The following CKMT1B variants were observed in gnomAD, a reference collection of about 807,000 sequenced individuals.
CKMT1B encodes the protein creatine kinase, mitochondrial 1B, also known as creatine kinase U-type, mitochondrial.
Under a neutral mutation model 21.8 loss-of-function variants are expected in CKMT1B, and 13 were observed. That is an observed-to-expected ratio of 0.60 (90% confidence interval 0.39 to 0.95). The LOEUF (loss-of-function observed/expected upper bound fraction) is 0.95, where lower values mean the gene tolerates loss of function less well. CKMT1B is among the 40% of genes least tolerant of loss of function. CKMT1B has a pLI of 0.00. For missense variants in CKMT1B, 157 were observed against 227.5 expected (o/e 0.69, Z 1.99); for synonymous variants, 50 against 80.3 (o/e 0.62, Z 2.02).
At chr15:43,596,643 A>G in intron 6 of CKMT1B, 112 bp downstream of exon 6, 2 of 1,544,800 alleles carry the variant, frequency 1.3e-6, no homozygotes, top group Non-Finnish European at 1.8e-6. Context: ...CTTATAGTAA[A>G]AAGGACTATC....
At chr15:43,596,622 C>T in intron 6 of CKMT1B, 91 bp downstream of exon 6, 1 of 1,585,778 alleles carries the variant, frequency 6.3e-7, no homozygotes, top group Non-Finnish European at 8.6e-7. Context: ...ACCAACCAAC[C>T]CAGGACATGT....
chr15:43,598,089 T>C, intron 6 of CKMT1B, 104 bp from the exon 7 acceptor site: 4 of 1,498,948 alleles, frequency 2.7e-6, no homozygotes, highest in Non-Finnish European at 8.9e-7. Flanking sequence ...GCCAAGTTTC[T>C]GTTCTAGACA....
chr15:43,596,698 A>C, intron 6 of CKMT1B, 167 bp downstream of exon 6: 3 of 1,048,014 alleles, frequency 2.9e-6, no homozygotes, highest in Middle Eastern at 2.2e-4. Context: ...CTGGGACCAT[A>C]CTGGGAAAAC....
intron 6 of CKMT1B, 108 bp downstream of exon 6, chr15:43,596,639 G>C (rs1034360770): frequency 3.5e-5 from 54 of 1,556,654 alleles, no homozygotes; most frequent in Non-Finnish European, 4.4e-5. Flanking sequence ...ATGTCTTATA[G>C]TAAAAAGGAC....
rs558385296 is a variant in CKMT1B at position 43,597,511 on chromosome 15, C to T, written c.877-682C>T. ...CCATGTTCAGCATGTAAGATATCCC[C>T]TATGGCATGGTTCCTTCTGAACTAT... On this transcript the variant is annotated intron_variant, in intron 6 of 8. Transcript: ENST00000441322. 3.8e-4 allele frequency: 474 copies of T among 1,245,824 alleles called. 8 individuals are homozygous for T. Among genetic ancestry groups the T allele is most frequent in the Non-Finnish European group, 4.8e-4 (464 of 957,674 alleles). 77.2% of individuals were successfully genotyped at this position (1,245,824 alleles called of 1,614,324 possible). A position where few individuals can be genotyped will look rare whatever the true frequency, so the allele number is the denominator to read the frequency against.
intron 7 of CKMT1B, 112 bp from the exon 8 acceptor site, chr15:43,598,715 A>G (rs541120135): frequency 1.2e-5 from 17 of 1,423,844 alleles, no homozygotes; most frequent in Admixed American, 2.4e-5. Flanking sequence ...AAAAAAGAAA[A>G]AAGGAAAAAA....
chr15:43,598,710 A>T (rs981572667), intron 7 of CKMT1B, 117 bp from the exon 8 acceptor site: 13 of 1,409,176 alleles, frequency 9.2e-6, no homozygotes, highest in Admixed American at 2.4e-5. Flanking sequence ...AAAAGAAAAA[A>T]GAAAAAAGGA....
intron 8 of CKMT1B, 53 bp from the exon 9 acceptor site, chr15:43,599,104 G>T: frequency 6.2e-7 from 1 of 1,608,220 alleles, no homozygotes. Flanking sequence ...GTCAGTCAGT[G>T]ATAAAGAAAA....
At position 43,598,315 on chromosome 15, in the gene CKMT1B, C is replaced by T. The variant is rs2085611816; in HGVS notation, c.999C>T (p.Pro333=). 1 of 1,605,692 alleles carries T rather than the reference C, an allele frequency of 6.2e-7. No homozygotes were observed. Among genetic ancestry groups the T allele is most frequent in the South Asian group, 1.1e-5 (1 of 90,620 alleles). Residue 333 remains proline, a synonymous_variant, in exon 7 of 9, where the codon CCC becomes CCT. Transcript: ENST00000441322. ...GLRAGVHIKL[P]LLSKDSRFPK... is the part of the protein sequence containing the mutation. ...GGGCAGGAGTGCACATCAAACTGCC[C>T]CTGCTAAGCAAAGTAAAGGAGTTGT...
In CKMT1B at chr15:43,599,283, G is replaced by T. The variant is rs367879527; in HGVS notation, c.*10G>T. 2.5e-6 allele frequency: 4 copies of T among 1,613,508 alleles called. 1 individual carries two copies. The highest frequency in any genetic ancestry group is 1.3e-5 in the African/African-American group (1 of 74,840). On this transcript the variant is annotated 3_prime_UTR_variant, in exon 9 of 9. Transcript: ENST00000441322. ...CCACACCAAGCATTAACTCCCCATC[G>T]CCAGCTGATGACTCAAGATTCCCAG...
At chr15:43,597,155 A>G (rs1478329781) in intron 6 of CKMT1B, among the ~76,000 whole-genome samples, 1 of 139,252 alleles carries the variant, frequency 7.2e-6, no homozygotes, top group Non-Finnish European at 1.5e-5. Context: ...AAATCCCCAT[A>G]AACTCAATTC....
rs2085589473 is a variant in CKMT1B at position 43,597,524 on chromosome 15, C to G, written c.877-669C>G. Reference sequence around the variant, plus strand: ...GTAAGATATCCCCTATGGCATGGTTCCTTCTGAACTATAAAGAGGATCCCT... The same window carrying G: ...GTAAGATATCCCCTATGGCATGGTTGCTTCTGAACTATAAAGAGGATCCCT... On this transcript the variant is annotated intron_variant, in intron 6 of 8. Transcript: ENST00000441322. The G allele has an allele frequency of 4.1e-6, 5 of 1,208,080 alleles. 1 individual carries two copies. The highest frequency in any genetic ancestry group is 5.3e-6 in the Non-Finnish European group (5 of 936,370). The allele number at this position is 1,208,080 out of a possible 1,614,324, so 74.8% of individuals were successfully genotyped here.
intron 7 of CKMT1B, 59 bp downstream of exon 7, chr15:43,598,386 G>A: frequency 6.3e-7 from 1 of 1,597,440 alleles, no homozygotes; most frequent in Non-Finnish European, 8.5e-7. Context: ...TTGTGGATGG[G>A]GAGGGAGTGG....
At chr15:43,597,865 C>G (rs1228585072) in intron 6 of CKMT1B, 1 of 1,246,130 alleles carries the variant, frequency 8.0e-7, no homozygotes, top group East Asian at 4.4e-5. Context: ...ATGCAGACCT[C>G]ATTGAATAAT....
At chr15:43,597,361 T>C (rs2085586389) in intron 6 of CKMT1B, 2 of 1,119,720 alleles carry the variant, frequency 1.8e-6, no homozygotes, top group Non-Finnish European at 2.4e-6. Context: ...GATAATGAGA[T>C]TTTCTACATT....
At position 43,598,253 on chromosome 15, in the gene CKMT1B, A is replaced by T. The variant is rs753566260; in HGVS notation, c.937A>T (p.Ile313Phe). ...CATGTGGAATGAGCGTTTGGGATAC[A>T]TCTTGACCTGTCCATCTAACCTGGG... ...EFMWNERLGY[I>F]LTCPSNLGTG... is the part of the protein sequence containing the mutation. Residue 313 changes from isoleucine to phenylalanine, a missense_variant, in exon 7 of 9, where the codon ATC becomes TTC. By Grantham distance (21) the Ile-to-Phe change is conservative. Coordinates refer to ENST00000441322, the MANE Select transcript of CKMT1B (RefSeq NM_001375484.1). 2 of 1,607,738 alleles carry T rather than the reference A, an allele frequency of 1.2e-6. No homozygotes were observed. The highest frequency in any genetic ancestry group is 1.7e-6 in the Non-Finnish European group (2 of 1,179,242).
Position 43,596,583 on chromosome 15 carries a change from A to C in CKMT1B, c.876+52A>C, listed in dbSNP as rs1020515479. 5.0e-6 allele frequency: 8 copies of C among 1,606,560 alleles called. No homozygotes were observed. In the African/African-American group the frequency reaches 1.1e-4, roughly 22 times the overall value. ...AGGTGGGAGGACATAAGGAAAACCA[A>C]AGAGTAGCATAAATAGATTATGTAA... On this transcript the variant is annotated intron_variant, in intron 6 of 8. Transcript: ENST00000441322.
chr15:43,599,349 T>C lies in CKMT1B; in HGVS notation c.*76T>C, dbSNP rs2085644500. The C allele has an allele frequency of 2.5e-6, 4 of 1,610,040 alleles. No individual in the cohort carries two copies. The highest frequency in any genetic ancestry group is 1.7e-4 in the Middle Eastern group (1 of 6,030). ...TAATGATGGCCCATTCTACTTGCTC[T>C]GGACCTGCCCCCGCATCCCCTGCCT... is the stretch of plus-strand genomic sequence containing the variant. On this transcript the variant is annotated 3_prime_UTR_variant, in exon 9 of 9. Transcript: ENST00000441322.
intron 6 of CKMT1B, chr15:43,597,337 A>G (rs1181500717): frequency 2.6e-5 from 25 of 960,732 alleles, no homozygotes; most frequent in Non-Finnish European, 3.5e-5. Flanking sequence ...CAGTTTCCTC[A>G]TCTGTAAAAT....
Sources: gnomAD v4.1 joint callset for allele counts (sites outside exome capture counted in the v4.1 genomes callset) on GRCh38, gnomAD v4.1.1 for gene constraint, MANE v1.5 for transcripts, NCBI Gene and HGNC (gene_info 2026-07-23, HGNC 2026-07-21) for gene names.